Variants in LARGE1 observed in about 807,000 individuals in gnomAD.
LARGE1 encodes xylosyl- and glucuronyltransferase LARGE1.
Under a neutral mutation model 87.6 loss-of-function variants are expected in LARGE1, and 43 were observed. That is an observed-to-expected ratio of 0.49 (90% confidence interval 0.38 to 0.63). The LOEUF (loss-of-function observed/expected upper bound fraction) is 0.63. Among genes scored for constraint, LARGE1 ranks in the 30% least tolerant of loss-of-function variants. LARGE1 has a pLI of 0.00. For missense variants in LARGE1, 802 were observed against 1,000.2 expected, an observed-to-expected ratio of 0.80 and a Z score of 2.67; for synonymous variants, 434 against 394.6, an observed-to-expected ratio of 1.10 and a Z score of -1.18.
At chr22:33,155,661 A>G in the LARGE1 span, among the ~76,000 whole-genome samples, 1 of 152,224 alleles carries the variant, frequency 6.6e-6, no homozygotes, top group Admixed American at 6.5e-5. Flanking sequence ...GCGATAGAAA[A>G]TAAAAACCCA....
At chr22:33,804,779 T>C (rs1381101198) in intron 1 of LARGE1, among the ~76,000 whole-genome samples, 3 of 152,208 alleles carry the variant, frequency 2.0e-5, no homozygotes, top group African/African-American at 2.4e-5. Context: ...TTCCAGAGCA[T>C]GCAGAGAGTG....
intron 6 of LARGE1, among the ~76,000 whole-genome samples, chr22:33,517,815 T>C (rs1015647140): frequency 1.2e-4 from 19 of 152,222 alleles, no homozygotes; most frequent in Admixed American, 3.9e-4. Flanking sequence ...TCCTGCACTA[T>C]GTCTGTATCC....
chr22:33,346,212 A>C (rs1939724018), intron 9 of LARGE1, among the ~76,000 whole-genome samples: 1 of 148,570 alleles, frequency 6.7e-6, no homozygotes, highest in African/African-American at 2.5e-5. Flanking sequence ...ACAATACCCT[A>C]CCTTCTTTTC....
chr22:33,199,975 A>T (rs989709450), intron 11 of LARGE1, among the ~76,000 whole-genome samples: 1 of 151,784 alleles, frequency 6.6e-6, no homozygotes, highest in African/African-American at 2.4e-5. Context: ...CAGCCTCCTG[A>T]GTAGCTGGGA....
chr22:33,726,348 C>G (rs2083272604), intron 2 of LARGE1, among the ~76,000 whole-genome samples: 1 of 152,176 alleles, frequency 6.6e-6, no homozygotes, highest in East Asian at 1.9e-4. Context: ...CCTGGGCCTT[C>G]CCCTCCTGAC....
At chr22:33,283,134 C>T (rs1930788079) in intron 13 of LARGE1, 68 bp downstream of exon 13, 1 of 1,593,748 alleles carries the variant, frequency 6.3e-7, no homozygotes, top group African/African-American at 1.3e-5. Flanking sequence ...ATAGCTTTGG[C>T]ATCTGGGTTT....
the LARGE1 span, among the ~76,000 whole-genome samples, chr22:33,106,300 G>C: frequency 6.6e-6 from 1 of 152,160 alleles, no homozygotes; most frequent in Non-Finnish European, 1.5e-5. Context: ...GAGAGTATGA[G>C]TAGAAAAGGT....
intron 2 of LARGE1, among the ~76,000 whole-genome samples, chr22:33,731,673 G>C (rs141835662): frequency 1.3e-5 from 2 of 152,140 alleles, no homozygotes; most frequent in African/African-American, 2.4e-5. Context: ...ATACTGTATC[G>C]TAGACTTCGA....
At chr22:33,351,386 T>A (rs932879990) in intron 9 of LARGE1, among the ~76,000 whole-genome samples, 1 of 152,226 alleles carries the variant, frequency 6.6e-6, no homozygotes, top group Non-Finnish European at 1.5e-5. Context: ...TTTAAATGAA[T>A]CTGGCAAAGT....
intron 6 of LARGE1, among the ~76,000 whole-genome samples, chr22:33,471,926 T>A (rs2068859144): frequency 6.6e-6 from 1 of 152,054 alleles, no homozygotes; most frequent in African/African-American, 2.4e-5. Flanking sequence ...GGCGGGTGCC[T>A]GTAATCCTAG....
upstream of LARGE1, among the ~76,000 whole-genome samples, chr22:33,920,640 G>A (rs1481428954): frequency 7.0e-6 from 1 of 143,070 alleles, no homozygotes; most frequent in Non-Finnish European, 1.5e-5. Context: ...CGGGGCTAGG[G>A]GAGGCGCCCC....
At chr22:33,329,485 G>A (rs1601468664) in intron 10 of LARGE1, among the ~76,000 whole-genome samples, 2 of 152,004 alleles carry the variant, frequency 1.3e-5, no homozygotes, top group Non-Finnish European at 2.9e-5. Context: ...ACAAGGAGGC[G>A]AGCCCAGAAA....
At chr22:33,517,179 G>A (rs558823426) in intron 6 of LARGE1, among the ~76,000 whole-genome samples, 3 of 152,182 alleles carry the variant, frequency 2.0e-5, no homozygotes, top group East Asian at 1.9e-4. Flanking sequence ...CTATACACCT[G>A]AGCCACTAGA....
intron 1 of LARGE1, among the ~76,000 whole-genome samples, chr22:33,898,292 A>C (rs2065196581): frequency 6.6e-6 from 1 of 151,658 alleles, no homozygotes; most frequent in South Asian, 2.1e-4. Context: ...TCTGGGCCCA[A>C]GTGCCCCGCC....
chr22:33,120,371 T>C, the LARGE1 span, among the ~76,000 whole-genome samples: 1 of 94,394 alleles, frequency 1.1e-5, no homozygotes, highest in Admixed American at 9.4e-5. Flanking sequence ...TCTTTCTTTC[T>C]TTCTTTCTTT....
chr22:33,554,170 C>T (rs901970044), intron 6 of LARGE1, among the ~76,000 whole-genome samples: 138 of 152,150 alleles, frequency 9.1e-4, no homozygotes, highest in African/African-American at 3.1e-3. Flanking sequence ...TCCGTTGCTC[C>T]CCCTCGCAAA....
At chr22:33,536,650 C>T (rs1220365699) in intron 6 of LARGE1, among the ~76,000 whole-genome samples, 1 of 152,158 alleles carries the variant, frequency 6.6e-6, no homozygotes, top group Non-Finnish European at 1.5e-5. Flanking sequence ...TGGGCTAAGG[C>T]CCATGTTTCA....
intron 6 of LARGE1, among the ~76,000 whole-genome samples, chr22:33,562,009 A>G (rs2077878172): frequency 6.6e-6 from 1 of 152,226 alleles, no homozygotes; most frequent in Non-Finnish European, 1.5e-5. Flanking sequence ...AAAAAGTGAA[A>G]AATTAGCCAG....
At chr22:33,881,514 G>A (rs532427565) in intron 1 of LARGE1, among the ~76,000 whole-genome samples, 3 of 152,172 alleles carry the variant, frequency 2.0e-5, no homozygotes, top group African/African-American at 7.2e-5. Flanking sequence ...CCTTTTTAAA[G>A]AAGAGAAGTG....
Sources: gnomAD v4.1 joint callset for allele counts (sites outside exome capture counted in the v4.1 genomes callset) on GRCh38, gnomAD v4.1.1 for gene constraint, MANE v1.5 for transcripts, NCBI Gene and HGNC (gene_info 2026-07-23, HGNC 2026-07-21) for gene names.